The following ARHGAP15 variants were observed in gnomAD, a reference collection of about 807,000 sequenced individuals.
The protein encoded by ARHGAP15 is rho GTPase-activating protein 15.
Under a neutral mutation model 63.7 loss-of-function variants are expected in ARHGAP15, and 51 were observed. The ratio of observed to expected loss-of-function variants is 0.80; its 90% CI spans 0.64 to 1.01. ARHGAP15 has a LOEUF of 1.01. Among genes scored for constraint, ARHGAP15 ranks in the 50% least tolerant of loss-of-function variants. The probability of loss-of-function intolerance (pLI) is 0.00; values close to 1 mark genes in which losing one functional copy is unlikely to be tolerated. For missense variants in ARHGAP15, 560 were observed against 564.6 expected (o/e 0.99, Z 0.08); for synonymous variants, 191 against 193.8 (o/e 0.99, Z 0.12).
At chr2:143,396,362 C>T (rs1407245941) in intron 6 of ARHGAP15, among the ~76,000 whole-genome samples, 1 of 151,964 alleles carries the variant, frequency 6.6e-6, no homozygotes, top group Non-Finnish European at 1.5e-5. Context: ...CTTCTCTGTG[C>T]CATAACTACA....
At chr2:143,704,427 G>A (rs1417336793) in intron 13 of ARHGAP15, among the ~76,000 whole-genome samples, 1 of 152,150 alleles carries the variant, frequency 6.6e-6, no homozygotes, top group African/African-American at 2.4e-5. Flanking sequence ...ACTTGCTGCT[G>A]GTTGGGATAC....
At chr2:143,255,216 CTTGA>C (rs1441073196) in intron 6 of ARHGAP15, among the ~76,000 whole-genome samples, 1 of 151,930 alleles carries the variant, frequency 6.6e-6, no homozygotes, top group Non-Finnish European at 1.5e-5. Flanking sequence ...CTGTTTGCTG[CTTGA>C]AAGGCAGAAA....
chr2:143,216,736 T>C (rs914746024), intron 4 of ARHGAP15, among the ~76,000 whole-genome samples: 4 of 152,196 alleles, frequency 2.6e-5, no homozygotes, highest in African/African-American at 4.8e-5. Flanking sequence ...ATTTCTGTGA[T>C]TGAAAGATTA....
At chr2:143,232,620 A>G (rs1693490195) in intron 5 of ARHGAP15, among the ~76,000 whole-genome samples, 1 of 152,164 alleles carries the variant, frequency 6.6e-6, no homozygotes, top group South Asian at 2.1e-4. Flanking sequence ...ACCCAGGATG[A>G]GTTATAGACC....
intron 2 of ARHGAP15, among the ~76,000 whole-genome samples, chr2:143,180,730 G>T (rs185635097): frequency 6.6e-6 from 1 of 152,270 alleles, no homozygotes; most frequent in East Asian, 1.9e-4. Flanking sequence ...ATGGAGTACA[G>T]TGGCGTGATC....
intron 6 of ARHGAP15, among the ~76,000 whole-genome samples, chr2:143,394,426 T>A (rs1181696206): frequency 6.6e-6 from 1 of 152,268 alleles, no homozygotes; most frequent in East Asian, 1.9e-4. Flanking sequence ...GCAAGAATAA[T>A]TGTTAACAGT....
intron 11 of ARHGAP15, among the ~76,000 whole-genome samples, chr2:143,564,903 G>A (rs895892696): frequency 7.2e-5 from 11 of 152,134 alleles, no homozygotes; most frequent in Admixed American, 7.2e-4. Context: ...ACGAAACTAA[G>A]GGGTAAATAA....
At chr2:143,524,653 A>C (rs1459762696) in intron 10 of ARHGAP15, among the ~76,000 whole-genome samples, 1 of 152,210 alleles carries the variant, frequency 6.6e-6, no homozygotes. Flanking sequence ...AGAGAATATG[A>C]AATTAACAAG....
At chr2:143,767,021 C>T (rs1246496842) in intron 13 of ARHGAP15, 1 of 152,138 alleles carries the variant, frequency 6.6e-6, no homozygotes, top group Non-Finnish European at 1.5e-5. Flanking sequence ...TGTTCCTTTG[C>T]TTTGCTTTAT....
intron 6 of ARHGAP15, among the ~76,000 whole-genome samples, chr2:143,364,811 T>A (rs1686224963): frequency 6.6e-6 from 1 of 152,152 alleles, no homozygotes; most frequent in Non-Finnish European, 1.5e-5. Context: ...GCGGATCACT[T>A]GAGGCCAGGA....
At chr2:143,511,557 GA>G (rs1693589382) in intron 9 of ARHGAP15, among the ~76,000 whole-genome samples, 1 of 144,268 alleles carries the variant, frequency 6.9e-6, no homozygotes, top group African/African-American at 2.6e-5. Context: ...CAGGGTTTTG[GA>G]AGTGTTCTTT....
intron 2 of ARHGAP15, among the ~76,000 whole-genome samples, chr2:143,182,905 G>A (rs1291165657): frequency 6.6e-6 from 1 of 152,150 alleles, no homozygotes; most frequent in Non-Finnish European, 1.5e-5. Flanking sequence ...AGCCCTTCAA[G>A]CAGCAGAGTG....
chr2:143,747,212 C>T (rs140003466), intron 13 of ARHGAP15, among the ~76,000 whole-genome samples: 101 of 151,552 alleles, frequency 6.7e-4, no homozygotes, highest in South Asian at 1.9e-3. Context: ...CAAACCTGCA[C>T]GCTCAGCACG....
At chr2:143,435,977 A>G (rs896635422) in intron 7 of ARHGAP15, among the ~76,000 whole-genome samples, 3 of 151,104 alleles carry the variant, frequency 2.0e-5, no homozygotes, top group African/African-American at 7.4e-5. Flanking sequence ...AAAGCACACA[A>G]GCACTTAATA....
intron 10 of ARHGAP15, among the ~76,000 whole-genome samples, chr2:143,552,136 T>C (rs1356233695): frequency 6.6e-6 from 1 of 152,186 alleles, no homozygotes; most frequent in Non-Finnish European, 1.5e-5. Context: ...AATTAGGAAG[T>C]GCCATAAATC....
In ARHGAP15 at chr2:143,629,394, G is replaced by A. The variant is rs139469023; in HGVS notation, c.1138+5127G>A. The stretch of plus-strand genomic sequence containing the variant: ...TTATTTCATGGGGATTTAACCCACT[G>A]ACTGCAAAGATTTAATTCCCTGGAA... On this transcript the variant is annotated intron_variant, in intron 12 of 13. Coordinates refer to ENST00000295095, the MANE Select transcript of ARHGAP15 (RefSeq NM_018460.4). 8.5e-5 allele frequency among the ~76,000 whole-genome samples: 13 copies of A among 152,204 alleles called. No homozygotes were observed. In the East Asian group the frequency reaches 1.7e-3, roughly 20 times the overall value.
chr2:143,485,728 T>C (rs62172156), intron 8 of ARHGAP15, among the ~76,000 whole-genome samples: 40,593 of 152,124 alleles, frequency 0.27, 6,565 homozygotes, highest in Non-Finnish European at 0.37. Flanking sequence ...TGCTGTTCCA[T>C]ATCCTACACA....
At chr2:143,174,472 G>T (rs1690929669) in intron 2 of ARHGAP15, among the ~76,000 whole-genome samples, 1 of 151,958 alleles carries the variant, frequency 6.6e-6, no homozygotes. Flanking sequence ...ATACTCTAAA[G>T]AAACTTATTT....
intron 13 of ARHGAP15, among the ~76,000 whole-genome samples, chr2:143,754,274 C>G (rs1466716092): frequency 6.6e-6 from 1 of 152,180 alleles, no homozygotes; most frequent in Non-Finnish European, 1.5e-5. Flanking sequence ...TCTATGGATA[C>G]AGCACTAAGC....
Sources: allele counts gnomAD v4.1 joint callset (sites outside exome capture counted in the v4.1 genomes callset), GRCh38; gene constraint gnomAD v4.1.1; transcripts MANE v1.5; gene names NCBI Gene and HGNC (gene_info 2026-07-23, HGNC 2026-07-21).